The following PTPRD variants were observed in gnomAD, a reference collection of about 807,000 sequenced individuals.
The protein encoded by PTPRD is protein tyrosine phosphatase receptor type D.
In PTPRD, 34 loss-of-function variants were observed where a neutral mutation model predicts 214.5. That is an observed-to-expected ratio of 0.16 (90% CI 0.12 to 0.21). PTPRD has a LOEUF of 0.21. Ranked by LOEUF, PTPRD falls within the 10% of genes least tolerant of loss-of-function variation. PTPRD has a pLI of 1.00. For synonymous variants in PTPRD, 1,128 were observed against 845.7 expected, an observed-to-expected ratio of 1.33 and a Z score of -5.79; for missense variants, 2,545 against 2,398.7, an observed-to-expected ratio of 1.06 and a Z score of -1.27.
At chr9:8,713,852 C>T (rs942764644) in intron 12 of PTPRD, 16 of 1,383,296 alleles carry the variant, frequency 1.2e-5, no homozygotes, top group Non-Finnish European at 1.5e-5. Flanking sequence ...GTGCAGGGCC[C>T]TCGCCCGGGT....
chr9:9,702,870 T>C (rs1157391463), intron 7 of PTPRD, among the ~76,000 whole-genome samples: 1 of 152,176 alleles, frequency 6.6e-6, no homozygotes, highest in Admixed American at 6.5e-5. Flanking sequence ...GATCTTAACA[T>C]TTCTGACTCT....
rs147203946 is a variant in PTPRD, at chr9:10,060,808, C to T, written c.-544-27018G>A. On this transcript the variant is annotated intron_variant, in intron 3 of 45. Transcript: ENST00000381196. ...TCTTTCTTTCTTTCTTTCTTCCTTT[C>T]TTTCTTTCTTTCTTTCTTTCTTCCT... Among the ~76,000 whole-genome samples, 129 of 109,486 alleles carry T rather than the reference C, an allele frequency of 1.2e-3. 9 individuals carry two copies. The highest frequency in any genetic ancestry group is 2.0e-3 in the Non-Finnish European group (112 of 56,186). 71.8% of individuals were successfully genotyped at this position (109,486 alleles called of 152,430 possible).
At chr9:9,755,105 A>G (rs1020098478) in intron 6 of PTPRD, among the ~76,000 whole-genome samples, 3 of 151,990 alleles carry the variant, frequency 2.0e-5, no homozygotes, top group African/African-American at 7.2e-5. Flanking sequence ...TGCATATTAA[A>G]CAAGATCTCC....
intron 11 of PTPRD, among the ~76,000 whole-genome samples, chr9:8,941,107 C>A (rs76511465): frequency 0.033 from 5,031 of 152,188 alleles, 132 homozygotes; most frequent in African/African-American, 0.07. Flanking sequence ...ACCCTCCCAC[C>A]AAGTCAGGTA....
At chr9:8,342,101 T>C in intron 39 of PTPRD, 123 bp from the exon 40 acceptor site, 4 of 1,028,540 alleles carry the variant, frequency 3.9e-6, no homozygotes, top group Non-Finnish European at 5.4e-6. Flanking sequence ...CAAATAGCTA[T>C]TGGGATGACT....
At chr9:10,410,253 G>GTGTATATATATATATATATA in intron 2 of PTPRD, among the ~76,000 whole-genome samples, 1 of 127,138 alleles carries the variant, frequency 7.9e-6, no homozygotes, top group East Asian at 3.8e-4. Flanking sequence ...CATATTTTGT[G>GTGTATATATATATATATATA]TATATATATA....
intron 11 of PTPRD, among the ~76,000 whole-genome samples, chr9:8,773,233 G>C (rs759132157): frequency 2.0e-5 from 3 of 152,134 alleles, no homozygotes; most frequent in Non-Finnish European, 4.4e-5. Flanking sequence ...ATCAACCAGA[G>C]AGGAAGCCTC....
intron 10 of PTPRD, among the ~76,000 whole-genome samples, chr9:9,035,367 C>T (rs2154379581): frequency 6.6e-6 from 1 of 152,110 alleles, no homozygotes; most frequent in Middle Eastern, 3.4e-3. Flanking sequence ...GTAAATAAGC[C>T]TTCTGTCAGC....
At chr9:9,198,408 G>A (rs563480524) in intron 9 of PTPRD, among the ~76,000 whole-genome samples, 1 of 149,512 alleles carries the variant, frequency 6.7e-6, no homozygotes, top group East Asian at 2.0e-4. Flanking sequence ...TGTCAAATAG[G>A]TTTTTTTTTT....
chr9:10,380,702 G>A (rs1050560065), intron 2 of PTPRD, among the ~76,000 whole-genome samples: 3 of 151,988 alleles, frequency 2.0e-5, no homozygotes, highest in Non-Finnish European at 4.4e-5. Flanking sequence ...TGTGAAAAAC[G>A]TTTGTAAATT....
At chr9:9,463,983 G>C (rs2093910643) in intron 8 of PTPRD, among the ~76,000 whole-genome samples, 1 of 152,110 alleles carries the variant, frequency 6.6e-6, no homozygotes, top group Non-Finnish European at 1.5e-5. Flanking sequence ...CCTGCTTCTT[G>C]TTAACTAACT....
At chr9:9,826,805 A>G (rs887752053) in intron 5 of PTPRD, among the ~76,000 whole-genome samples, 3 of 152,144 alleles carry the variant, frequency 2.0e-5, no homozygotes, top group Non-Finnish European at 2.9e-5. Context: ...CAACTTCAGC[A>G]AAGTCTCAGG....
At position 8,825,453 on chromosome 9, in the gene PTPRD, TAGAG is replaced by T. The variant is rs555011742; in HGVS notation, c.-103-91511_-103-91508del. ...TTTTTAAAATTCTGAAAAAATGAGG[TAGAG>T]AGAAATAAATATGCTCTAAATTTTT... On this transcript the variant is annotated intron_variant, in intron 11 of 45. Transcript: ENST00000381196. Among the ~76,000 whole-genome samples, 445 of 152,238 alleles carry T rather than the reference TAGAG, an allele frequency of 2.9e-3. 1 individual carries two copies. The highest frequency in any genetic ancestry group is 0.01 in the African/African-American group (430 of 41,550).
At chr9:9,550,344 A>G (rs1258880857) in intron 8 of PTPRD, among the ~76,000 whole-genome samples, 1 of 150,748 alleles carries the variant, frequency 6.6e-6, no homozygotes, top group East Asian at 1.9e-4. Flanking sequence ...CCCTCTCTCT[A>G]TGGAAAGAAG....
rs2092503832 is a variant in PTPRD at position 9,946,058 on chromosome 9, T to TTGGGAAAGTCACCCTTCCCTTTCCCACC, written c.-471-7449_-471-7448insGGTGGGAAAGGGAAGGGTGACTTTCCCA. Reference sequence around the variant, plus strand: ...GGAAGCCTTTTGGATCCTTTCCCAGTTGGGAAAGTCATCCTTCACTTTCCC... The same window carrying TTGGGAAAGTCACCCTTCCCTTTCCCACC: ...GGAAGCCTTTTGGATCCTTTCCCAGTTGGGAAAGTCACCCTTCCCTTTCCCACCTGGGAAAGTCATCCTTCACTTTCCC... On this transcript the variant is annotated intron_variant, in intron 4 of 45. Transcript: ENST00000381196. Among the ~76,000 whole-genome samples the TTGGGAAAGTCACCCTTCCCTTTCCCACC allele has an allele frequency of 6.3e-5, 3 of 47,540 alleles. No homozygotes were observed. The African/African-American group carries it at 7.9e-4, about 13-fold the overall frequency. 31.2% of individuals were successfully genotyped at this position (47,540 alleles called of 152,430 possible).
intron 2 of PTPRD, among the ~76,000 whole-genome samples, chr9:10,422,943 T>C (rs555637763): frequency 2.6e-4 from 39 of 152,170 alleles, no homozygotes; most frequent in African/African-American, 7.9e-4. Flanking sequence ...GACCCAGCCA[T>C]CCCATTACTG....
chr9:9,042,687 T>C (rs1239904716), intron 10 of PTPRD, among the ~76,000 whole-genome samples: 1 of 150,948 alleles, frequency 6.6e-6, no homozygotes, highest in Admixed American at 6.6e-5. Flanking sequence ...ATCATGTATC[T>C]TATGACCTCT....
chr9:9,656,450 C>T (rs1156938814), intron 7 of PTPRD, among the ~76,000 whole-genome samples: 3 of 151,860 alleles, frequency 2.0e-5, no homozygotes, highest in Admixed American at 2.0e-4. Context: ...ATCTCCTAAG[C>T]CATGAAAGAA....
chr9:8,976,112 C>T (rs747399287), intron 11 of PTPRD, among the ~76,000 whole-genome samples: 93 of 151,980 alleles, frequency 6.1e-4, no homozygotes, highest in Middle Eastern at 6.3e-3. Context: ...GCAGGATTTA[C>T]GTGAATGTCA....
Sources: allele counts gnomAD v4.1 joint callset (sites outside exome capture counted in the v4.1 genomes callset), GRCh38; gene constraint gnomAD v4.1.1; transcripts MANE v1.5; gene names NCBI Gene and HGNC (gene_info 2026-07-23, HGNC 2026-07-21).